Variants in PLAGL1 observed in about 807,000 individuals in gnomAD.
The protein encoded by PLAGL1 is zinc finger protein PLAGL1.
PLAGL1 carries 1 observed loss-of-function variant against 4.6 expected under a neutral mutation model. The ratio of observed to expected loss-of-function variants is 0.22; its 90% CI spans 0.08 to 1.03. The LOEUF (loss-of-function observed/expected upper bound fraction) is 1.03, where lower values mean the gene tolerates loss of function less well. Among genes scored for constraint, PLAGL1 ranks in the 50% least tolerant of loss-of-function variants. The probability of loss-of-function intolerance (pLI) is 0.58; values close to 1 mark genes in which losing one functional copy is unlikely to be tolerated. For missense variants in PLAGL1, 464 were observed against 570.4 expected, an observed-to-expected ratio of 0.81 and a Z score of 1.90; for synonymous variants, 240 against 237.8, an observed-to-expected ratio of 1.01 and a Z score of -0.08.
chr6:144,020,308 C>T (rs1034861853), intron 1 of PLAGL1, among the ~76,000 whole-genome samples: 3 of 149,464 alleles, frequency 2.0e-5, no homozygotes, highest in Non-Finnish European at 4.4e-5. Context: ...TTTGTTTAGA[C>T]GGAGTCGCTC....
In PLAGL1 at chr6:144,008,252, AGAGT is replaced by A. The variant is rs1489627570; in HGVS notation, c.-750_-747del. The A allele has an allele frequency of 6.6e-6, 1 of 151,910 alleles. No homozygotes were observed. The highest frequency in any genetic ancestry group is 1.5e-5 in the Non-Finnish European group (1 of 68,024). The allele number at this position is 151,910 out of a possible 1,614,324, so 9.4% of individuals were successfully genotyped here. A position where few individuals can be genotyped will look rare whatever the true frequency, so the allele number is the denominator to read the frequency against. On this transcript the variant is annotated 5_prime_UTR_variant, in exon 1 of 8. Transcript: ENST00000674357. This position sits in a 1 kb window ranked among gnomAD's most constrained non-coding sequence, Gnocchi z 6.9. Reference sequence around the variant, plus strand: ...GTCCGTCCGTCCAGCACCCGCCCGGAGAGTGAGGCCAGAGCACGCCCCAGCCGTG... The same window carrying A: ...GTCCGTCCGTCCAGCACCCGCCCGGAGAGGCCAGAGCACGCCCCAGCCGTG...
rs981354870 is a variant in PLAGL1, at chr6:143,953,943, G to T, written c.-324-5483C>A. The stretch of plus-strand genomic sequence containing the variant: ...GACCTCTCCTGATGCCTGCAGTGGG[G>T]TGCCTGCCCTTCCTTCCCCTAGCAC... On this transcript the variant is annotated intron_variant, in intron 6 of 7. Transcript: ENST00000674357. This position sits in a 1 kb window ranked among gnomAD's most constrained non-coding sequence, Gnocchi z 5.3. 1.3e-5 allele frequency among the ~76,000 whole-genome samples: 2 copies of T among 152,150 alleles called. No individual in the cohort carries two copies. The highest frequency in any genetic ancestry group is 4.8e-5 in the African/African-American group (2 of 41,432).
chr6:143,994,039 GAA>G lies in PLAGL1; in HGVS notation c.-583-8867_-583-8866del, dbSNP rs530541145. ...AATGTTCACTTCATATATGGCTAAG[GAA>G]AAAAAAAAAAAGAAAAGAACTCCCT... On this transcript the variant is annotated intron_variant, in intron 1 of 7. Coordinates refer to ENST00000674357, the MANE Select transcript of PLAGL1 (RefSeq NM_001317162.2). This position sits in a 1 kb window ranked among gnomAD's most constrained non-coding sequence, Gnocchi z 4.3. Among the ~76,000 whole-genome samples, 2 of 129,776 alleles carry G rather than the reference GAA, an allele frequency of 1.5e-5. No homozygotes were observed. Among genetic ancestry groups the G allele is most frequent in the Non-Finnish European group, 1.7e-5 (1 of 60,506 alleles). The allele number at this position is 129,776 out of a possible 152,430, so 85.1% of individuals were successfully genotyped here.
chr6:143,954,563 T>C lies in PLAGL1; in HGVS notation c.-325+5906A>G, dbSNP rs546435445. On this transcript the variant is annotated intron_variant, in intron 6 of 7. Transcript: ENST00000674357. The surrounding 1 kb of genome is among the most constrained non-coding windows in gnomAD (Gnocchi z 5.1). ...AGCTAATATAATCCAGAGACTAACA[T>C]TCATTGACTAAATGGTTAAAATATG... Among the ~76,000 whole-genome samples the C allele has an allele frequency of 6.6e-6, 1 of 152,170 alleles. No individual in the cohort carries two copies. The highest frequency in any genetic ancestry group is 1.5e-5 in the Non-Finnish European group (1 of 68,028).
intron 1 of PLAGL1, among the ~76,000 whole-genome samples, chr6:144,035,686 T>A (rs1280911786): frequency 6.6e-6 from 1 of 152,176 alleles, no homozygotes; most frequent in African/African-American, 2.4e-5. Context: ...TTGTGTCAAA[T>A]CCCTGTTGCT....
rs1778504354 is a variant in PLAGL1, at chr6:143,941,230, A to T, written c.*194T>A. The T allele has an allele frequency of 2.3e-6, 1 of 436,526 alleles. No homozygotes were observed. Among genetic ancestry groups the T allele is most frequent in the African/African-American group, 2.0e-5 (1 of 49,484 alleles). The allele number at this position is 436,526 out of a possible 1,614,324, so 27.0% of individuals were successfully genotyped here. On this transcript the variant is annotated 3_prime_UTR_variant, in exon 8 of 8. Coordinates refer to ENST00000674357, the MANE Select transcript of PLAGL1 (RefSeq NM_001317162.2). The surrounding 1 kb of genome is among the most constrained non-coding windows in gnomAD (Gnocchi z 6.0). ...AGAACACGCGTTCATTAAATTTGGT[A>T]CAAAGCATGAACACTCAGGACAGAT...
At chr6:144,043,780 G>T (rs1204054227) in intron 1 of PLAGL1, among the ~76,000 whole-genome samples, 3 of 152,170 alleles carry the variant, frequency 2.0e-5, no homozygotes, top group Non-Finnish European at 4.4e-5. Flanking sequence ...AACTCTGGTA[G>T]AATTTGGCTG....
rs1427501585 is a variant in PLAGL1 at position 144,056,582 on chromosome 6, C to A, written c.-151+7886G>T. ...TCTAGAATGTCATACAGTAGGTAGC[C>A]CTTTCAGGTTGGCTTCTTTCACTTA... is the stretch of plus-strand genomic sequence containing the variant. On this transcript the variant is annotated intron_variant, in intron 1 of 3. Transcript: ENST00000437412. This position sits in a 1 kb window ranked among gnomAD's most constrained non-coding sequence, Gnocchi z 4.7. Among the ~76,000 whole-genome samples the A allele has an allele frequency of 6.6e-6, 1 of 152,114 alleles. No homozygotes were observed. Among genetic ancestry groups the A allele is most frequent in the African/African-American group, 2.4e-5 (1 of 41,418 alleles).
At chr6:144,011,639 CTGAATGT>C (rs1795196150), upstream of PLAGL1, among the ~76,000 whole-genome samples, 1 of 152,248 alleles carries the variant, frequency 6.6e-6, no homozygotes, top group African/African-American at 2.4e-5. The surrounding 1 kb of genome is among the most constrained non-coding windows in gnomAD (Gnocchi z 4.3). Context: ...TTTTTCAGGG[CTGAATGT>C]TGTTTCTATC....
At chr6:143,988,929 G>C (rs545115872) in intron 1 of PLAGL1, among the ~76,000 whole-genome samples, 2 of 152,120 alleles carry the variant, frequency 1.3e-5, no homozygotes, top group East Asian at 1.9e-4. Context: ...ATGGCTTTTG[G>C]GGGGACACAC....
In PLAGL1 at chr6:144,015,135, C is replaced by T. The variant is rs1019380576; in HGVS notation, c.-150-46157G>A. ...CGTAGCTAGTTCAAACTGAAATGTG[C>T]TACAAGTGTAAAATATACTCTGGCT... On this transcript the variant is annotated intron_variant, in intron 1 of 3. Transcript: ENST00000437412. The surrounding 1 kb of genome is among the most constrained non-coding windows in gnomAD (Gnocchi z 4.3). Among the ~76,000 whole-genome samples the T allele has an allele frequency of 6.6e-6, 1 of 152,124 alleles. No homozygotes were observed. Among genetic ancestry groups the T allele is most frequent in the African/African-American group, 2.4e-5 (1 of 41,416 alleles).
rs1032452764 is a variant in PLAGL1 at position 144,004,100 on chromosome 6, G to C, written c.-584+3990C>G. Among the ~76,000 whole-genome samples the C allele has an allele frequency of 2.0e-5, 3 of 152,104 alleles. No individual in the cohort carries two copies. The East Asian group carries it at 5.8e-4, about 29-fold the overall frequency. ...AATTTTTTTCTGTAAATGGCCACGT[G>C]GTAAATAGTTTAGGCTTTGTGGGCC... On this transcript the variant is annotated intron_variant, in intron 1 of 7. Coordinates refer to ENST00000674357, the MANE Select transcript of PLAGL1 (RefSeq NM_001317162.2). This position sits in a 1 kb window ranked among gnomAD's most constrained non-coding sequence, Gnocchi z 4.2.
rs186187179 is a variant in PLAGL1 at position 144,030,928 on chromosome 6, G to A, written c.-151+33540C>T. On this transcript the variant is annotated intron_variant, in intron 1 of 3. Transcript: ENST00000437412. ...GTAGATCTACTTTTAGTTCTTTAAG[G>A]AATCTCCACAGTGTTTTCCAAAGTG... is the stretch of plus-strand genomic sequence containing the variant. Among the ~76,000 whole-genome samples, 4 of 152,224 alleles carry A rather than the reference G, an allele frequency of 2.6e-5. No homozygotes were observed. The East Asian group carries it at 5.8e-4, about 22-fold the overall frequency.
intron 1 of PLAGL1, among the ~76,000 whole-genome samples, chr6:144,057,555 T>C (rs527323893): frequency 6.6e-6 from 1 of 152,344 alleles, no homozygotes; most frequent in South Asian, 2.1e-4. Flanking sequence ...ACTGGTGCCA[T>C]TTCCCAATGT....
At chr6:143,993,370 A>ACACACACACACAC (rs1790947795) in intron 1 of PLAGL1, among the ~76,000 whole-genome samples, 1 of 147,514 alleles carries the variant, frequency 6.8e-6, no homozygotes, top group South Asian at 2.2e-4. Flanking sequence ...ACACACACAC[A>ACACACACACACAC]ATTGACATGT....
chr6:144,017,145 T>TTAATTTTCTC (rs1447050526), intron 1 of PLAGL1, among the ~76,000 whole-genome samples: 1 of 152,214 alleles, frequency 6.6e-6, no homozygotes, highest in Non-Finnish European at 1.5e-5. Context: ...ATGCTTAGAT[T>TTAATTTTCTC]TAATTTTCTC....
Position 143,994,039 on chromosome 6 carries a change from G to GAA in PLAGL1, c.-583-8867_-583-8866dup, listed in dbSNP as rs530541145. Reference sequence around the variant, plus strand: ...AATGTTCACTTCATATATGGCTAAGGAAAAAAAAAAAAAGAAAAGAACTCC... The same window carrying GAA: ...AATGTTCACTTCATATATGGCTAAGGAAAAAAAAAAAAAAAGAAAAGAACTCC... On this transcript the variant is annotated intron_variant, in intron 1 of 7. Transcript: ENST00000674357. This position sits in a 1 kb window ranked among gnomAD's most constrained non-coding sequence, Gnocchi z 4.3. Among the ~76,000 whole-genome samples, 2 of 129,798 alleles carry GAA rather than the reference G, an allele frequency of 1.5e-5. No homozygotes were observed. Among genetic ancestry groups the GAA allele is most frequent in the Non-Finnish European group, 3.3e-5 (2 of 60,518 alleles). 85.2% of individuals were successfully genotyped at this position (129,798 alleles called of 152,430 possible).
intron 1 of PLAGL1, among the ~76,000 whole-genome samples, chr6:144,014,601 A>T (rs1795442881): frequency 3.3e-5 from 5 of 151,986 alleles, no homozygotes. Flanking sequence ...TTGTTTGGAG[A>T]CACAGTCTGG....
At position 144,027,250 on chromosome 6, in the gene PLAGL1, A is replaced by T. The variant is rs79893606; in HGVS notation, c.-151+37218T>A. On this transcript the variant is annotated intron_variant, in intron 1 of 3. Transcript: ENST00000437412. The surrounding 1 kb of genome is among the most constrained non-coding windows in gnomAD (Gnocchi z 5.8). ...AAGAACGAACGAAAGAAAGAAAGAA[A>T]GAAAGAAAGAAAGAAAGAAAGAAAG... Among the ~76,000 whole-genome samples the T allele has an allele frequency of 8.3e-6, 1 of 120,276 alleles. No homozygotes were observed. The highest frequency in any genetic ancestry group is 2.8e-4 in the South Asian group (1 of 3,536). The allele number at this position is 120,276 out of a possible 152,430, so 78.9% of individuals were successfully genotyped here.
Sources: gnomAD v4.1 joint callset for allele counts (sites outside exome capture counted in the v4.1 genomes callset) on GRCh38, gnomAD v4.1.1 for gene constraint, Gnocchi (gnomAD v3.1) non-coding constraint, MANE v1.5 for transcripts, NCBI Gene and HGNC (gene_info 2026-07-23, HGNC 2026-07-21) for gene names.